The following HERC3 variants were observed in gnomAD, a reference collection of about 807,000 sequenced individuals.
HERC3 encodes the protein HECT and RLD domain containing E3 ubiquitin protein ligase 3.
HERC3 carries 58 observed loss-of-function variants against 129.9 expected under a neutral mutation model. The ratio of observed to expected loss-of-function variants is 0.45; its 90% CI spans 0.36 to 0.56. The LOEUF (loss-of-function observed/expected upper bound fraction) is 0.56, where lower values mean the gene tolerates loss of function less well. Among genes scored for constraint, HERC3 ranks in the 20% least tolerant of loss-of-function variants. The pLI is 0.00. For missense variants in HERC3, 835 were observed against 1,244.2 expected, an observed-to-expected ratio of 0.67 and a Z score of 4.95; for synonymous variants, 430 against 451.0, an observed-to-expected ratio of 0.95 and a Z score of 0.59.
At chr4:88,591,396 T>G (rs1479142011), upstream of HERC3, among the ~76,000 whole-genome samples, 3 of 152,170 alleles carry the variant, frequency 2.0e-5, no homozygotes, top group East Asian at 5.8e-4. Flanking sequence ...CCTTGAAACT[T>G]TCTTTTCTAC....
At chr4:88,649,669 A>G (rs1729067519) in intron 3 of HERC3, among the ~76,000 whole-genome samples, 171 bp from the exon 4 acceptor site, 1 of 152,160 alleles carries the variant, frequency 6.6e-6, no homozygotes, top group South Asian at 2.1e-4. Flanking sequence ...GGGTCTCCGA[A>G]TGTAAATTGA....
chr4:88,623,724 A>G (rs753818611), intron 3 of HERC3, among the ~76,000 whole-genome samples: 2 of 152,224 alleles, frequency 1.3e-5, no homozygotes, highest in Non-Finnish European at 2.9e-5. Context: ...CACCCCTAGT[A>G]TTTATAAAGA....
At chr4:88,548,994 G>A in the HERC3 span, among the ~76,000 whole-genome samples, 1 of 152,214 alleles carries the variant, frequency 6.6e-6, no homozygotes, top group African/African-American at 2.4e-5. Context: ...GTCCTTTGCA[G>A]TACAGTTTTT....
the HERC3 span, among the ~76,000 whole-genome samples, chr4:88,526,094 C>T: frequency 1.1e-4 from 16 of 152,198 alleles, no homozygotes; most frequent in East Asian, 1.3e-3. Context: ...TCAAGTAAAA[C>T]AGCACAGGGG....
At chr4:88,558,661 T>C in the HERC3 span, among the ~76,000 whole-genome samples, 3 of 152,032 alleles carry the variant, frequency 2.0e-5, no homozygotes, top group Non-Finnish European at 4.4e-5. Flanking sequence ...ATTAAAACAA[T>C]TTTAGAAATT....
At chr4:88,607,162 G>A (rs949908009) in intron 3 of HERC3, among the ~76,000 whole-genome samples, 4 of 136,530 alleles carry the variant, frequency 2.9e-5, no homozygotes, top group Non-Finnish European at 4.5e-5. Context: ...TGGGTGTTGA[G>A]TAGCACTTTG....
rs1264349937 is a variant in HERC3, at chr4:88,704,514, A to G, written c.2848A>G (p.Ile950Val). Reference sequence around the variant, plus strand: ...TTTTCTCTTTTTTGGACAGACTGCCATCTACAAGGGAGATTACTCGGCCAC... The same window carrying G: ...TTTTCTCTTTTTTGGACAGACTGCCGTCTACAAGGGAGATTACTCGGCCAC... ...YNWEELEETA[I>V]YKGDYSATHP... Residue 950 changes from isoleucine to valine, a missense_variant, in exon 25 of 26, where the codon ATC (isoleucine) becomes GTC (valine). Coordinates refer to ENST00000402738, the MANE Select transcript of HERC3 (RefSeq NM_014606.3). The G allele has an allele frequency of 3.1e-6, 5 of 1,602,660 alleles. No individual in the cohort carries two copies. The South Asian group carries it at 5.5e-5, about 18-fold the overall frequency.
At chr4:88,577,616 T>TATATATATATATATATATATATAA in the HERC3 span, among the ~76,000 whole-genome samples, 9 of 144,626 alleles carry the variant, frequency 6.2e-5, no homozygotes, top group African/African-American at 2.6e-4. Context: ...TATATATATA[T>TATATATATATATATATATATATAA]AATAGGTTTG....
the HERC3 span, among the ~76,000 whole-genome samples, chr4:88,581,604 C>A: frequency 6.6e-6 from 1 of 151,884 alleles, no homozygotes; most frequent in African/African-American, 2.4e-5. Flanking sequence ...ATGTGCCCGG[C>A]CCTCTTTCTT....
the HERC3 span, among the ~76,000 whole-genome samples, chr4:88,534,645 G>A: frequency 0.012 from 1,803 of 151,982 alleles, 36 homozygotes; most frequent in African/African-American, 0.041. Context: ...ATTTTTCATG[G>A]CATTAACATG....
At chr4:88,634,531 G>A (rs1727146142) in intron 3 of HERC3, among the ~76,000 whole-genome samples, 1 of 152,186 alleles carries the variant, frequency 6.6e-6, no homozygotes, top group Non-Finnish European at 1.5e-5. Flanking sequence ...CGTAGTCTCT[G>A]TGGACCAGCA....
intron 3 of HERC3, among the ~76,000 whole-genome samples, chr4:88,637,281 C>T (rs1727526542): frequency 6.6e-6 from 1 of 151,972 alleles, no homozygotes; most frequent in Non-Finnish European, 1.5e-5. Flanking sequence ...AAAAAATTAG[C>T]CGGGCATGAT....
chr4:88,537,650 G>T, the HERC3 span, among the ~76,000 whole-genome samples: 2 of 152,220 alleles, frequency 1.3e-5, no homozygotes, highest in African/African-American at 4.8e-5. Flanking sequence ...ACAAAAGAGA[G>T]ACCAAGTGTT....
At chr4:88,703,527 C>T (rs1485643809) in intron 23 of HERC3, among the ~76,000 whole-genome samples, 1 of 152,136 alleles carries the variant, frequency 6.6e-6, no homozygotes, top group African/African-American at 2.4e-5. Context: ...CTGATGAGTG[C>T]AAATGACAAT....
In HERC3 at chr4:88,605,785, T is replaced by C; in HGVS notation, c.-29-10T>C. ...TAATTAAAAAATAATTTTTTTAAAC[T>C]CTCTCCTAGGCTACATGATTCCCTG... On this transcript the variant is annotated splice_polypyrimidine_tract_variant and intron_variant, in intron 2 of 25. Coordinates refer to ENST00000402738, the MANE Select transcript of HERC3 (RefSeq NM_014606.3). The C allele has an allele frequency of 6.7e-7, 1 of 1,502,726 alleles. No individual in the cohort carries two copies. Among genetic ancestry groups the C allele is most frequent in the Non-Finnish European group, 9.1e-7 (1 of 1,093,328 alleles). 93.1% of individuals were successfully genotyped at this position (1,502,726 alleles called of 1,614,324 possible). A position where few individuals can be genotyped will look rare whatever the true frequency, so the allele number is the denominator to read the frequency against.
chr4:88,530,544 G>A, the HERC3 span, among the ~76,000 whole-genome samples: 1 of 152,150 alleles, frequency 6.6e-6, no homozygotes, highest in Non-Finnish European at 1.5e-5. Flanking sequence ...TGAGACCTCA[G>A]GGGACACCCA....
At chr4:88,535,243 C>T in the HERC3 span, among the ~76,000 whole-genome samples, 19 of 152,350 alleles carry the variant, frequency 1.2e-4, no homozygotes, top group Non-Finnish European at 2.4e-4. Flanking sequence ...TGAACTTACA[C>T]CTGGCCTGCC....
At chr4:88,604,584 A>T (rs550500531) in intron 2 of HERC3, among the ~76,000 whole-genome samples, 1 of 152,186 alleles carries the variant, frequency 6.6e-6, no homozygotes, top group Non-Finnish European at 1.5e-5. Flanking sequence ...TTTACTTAGC[A>T]TAATATATTT....
Position 88,704,130 on chromosome 4 carries a change from T to A in HERC3, c.2690T>A (p.Val897Asp). ...TTTGTGGATGCTTATGTGAATTATG[T>A]CTTCCAAATCTCAGTTCATGAATGG... ...QEFVDAYVNY[V>D]FQISVHEWYT... Residue 897 changes from valine to aspartate, a missense_variant, in exon 24 of 26, where the codon GTC becomes GAC. By Grantham distance (152) the Val-to-Asp change is radical. Coordinates refer to ENST00000402738, the MANE Select transcript of HERC3 (RefSeq NM_014606.3). 1 of 1,614,084 alleles carries A rather than the reference T, an allele frequency of 6.2e-7. No individual in the cohort carries two copies.
Sources: gnomAD v4.1 joint callset for allele counts (sites outside exome capture counted in the v4.1 genomes callset) on GRCh38, gnomAD v4.1.1 for gene constraint, MANE v1.5 for transcripts, NCBI Gene and HGNC (gene_info 2026-07-23, HGNC 2026-07-21) for gene names.